SNTG2: variants seen among roughly 807,000 people sequenced by gnomAD.
SNTG2 encodes syntrophin gamma 2, also known as gamma-2-syntrophin.
SNTG2 carries 74 observed loss-of-function variants against 70.9 expected under a neutral mutation model. The observed-to-expected ratio is 1.04, with a 90% CI of 0.86 to 1.27. SNTG2 has a LOEUF of 1.27. Ranked by LOEUF, SNTG2 falls within the 50% of genes most tolerant of loss-of-function variation. The pLI is 0.00. For missense variants in SNTG2, 717 were observed against 690.7 expected (o/e 1.04, Z -0.43); for synonymous variants, 278 against 273.8 (o/e 1.02, Z -0.15).
At chr2:965,092 TCCAGTTCTCCTCCTTGGACC>T (rs1190734513) in intron 1 of SNTG2, among the ~76,000 whole-genome samples, 9 of 149,638 alleles carry the variant, frequency 6.0e-5, no homozygotes, top group South Asian at 2.1e-4. Flanking sequence ...TCCTCTGGAC[TCCAGTTCTCCTCCTTGGACC>T]CCAGTCCTCC....
chr2:1,358,986 A>T (rs1182592551), intron 16 of SNTG2, among the ~76,000 whole-genome samples: 2 of 152,056 alleles, frequency 1.3e-5, no homozygotes, highest in Non-Finnish European at 2.9e-5. Context: ...CAGTTTTGTC[A>T]ATGTTTGTTT....
intron 16 of SNTG2, chr2:1,341,515 G>A (rs556627147): frequency 6.6e-5 from 10 of 152,406 alleles, no homozygotes; most frequent in South Asian, 4.1e-4. Flanking sequence ...GGTAACCTCC[G>A]GGAGCTGCCC....
intron 12 of SNTG2, among the ~76,000 whole-genome samples, chr2:1,257,548 G>A (rs2148160682): frequency 6.6e-6 from 1 of 152,332 alleles, no homozygotes; most frequent in East Asian, 1.9e-4. Flanking sequence ...ACCTGCTTCT[G>A]CGAACAACAA....
chr2:958,732 GA>G, intron 1 of SNTG2, among the ~76,000 whole-genome samples: 1 of 151,872 alleles, frequency 6.6e-6, no homozygotes, highest in East Asian at 1.9e-4. Context: ...AGAGAGATAT[GA>G]AAAAAATTGT....
chr2:1,362,306 G>A (rs67781919), intron 16 of SNTG2, among the ~76,000 whole-genome samples: 104,884 of 146,136 alleles, frequency 0.72, 37,902 homozygotes, highest in East Asian at 0.94. Flanking sequence ...GAAGGTCACC[G>A]ACACTGAGCA....
intron 16 of SNTG2, among the ~76,000 whole-genome samples, chr2:1,328,804 CACAT>C (rs1681862801): frequency 6.6e-6 from 1 of 152,114 alleles, no homozygotes. Context: ...TCCACACACA[CACAT>C]ACACACACAT....
chr2:1,324,395 A>G (rs767907129), intron 16 of SNTG2, among the ~76,000 whole-genome samples: 5 of 152,204 alleles, frequency 3.3e-5, no homozygotes, highest in African/African-American at 4.8e-5. Context: ...GATAATTTGA[A>G]GAGTAGAAAT....
At chr2:1,362,277 A>C (rs1007768960) in intron 16 of SNTG2, among the ~76,000 whole-genome samples, 1 of 151,614 alleles carries the variant, frequency 6.6e-6, no homozygotes, top group Non-Finnish European at 1.5e-5. Flanking sequence ...GACGCTAAGC[A>C]TTTCAATAGA....
chr2:1,156,724 G>A (rs1382574806), intron 6 of SNTG2, among the ~76,000 whole-genome samples: 3 of 152,226 alleles, frequency 2.0e-5, no homozygotes, highest in Admixed American at 6.5e-5. Context: ...GTGAGGTCCC[G>A]GCTGGAGACA....
Position 1,163,200 on chromosome 2 carries a change from C to T in SNTG2, c.412-2348C>T, listed in dbSNP as rs113069501. On this transcript the variant is annotated intron_variant, in intron 6 of 16. Transcript: ENST00000308624. ...GAAGTGGACGTGGGAAGCCTCCCAA[C>T]AGGAAGTGAGTGTGTGAAGCATACC... is the stretch of plus-strand genomic sequence containing the variant. 6.0e-5 allele frequency: 9 copies of T among 150,350 alleles called. 1 individual carries two copies. In the East Asian group the frequency reaches 8.1e-4, roughly 13 times the overall value. 9.3% of individuals were successfully genotyped at this position (150,350 alleles called of 1,614,324 possible).
chr2:1,071,725 G>A (rs1663572897), intron 1 of SNTG2, among the ~76,000 whole-genome samples: 1 of 152,002 alleles, frequency 6.6e-6, no homozygotes, highest in African/African-American at 2.4e-5. Context: ...AGAGAGCTAG[G>A]CCTCTTGCAA....
chr2:1,067,551 T>A (rs80103361), intron 1 of SNTG2, among the ~76,000 whole-genome samples: 5,282 of 152,322 alleles, frequency 0.035, 190 homozygotes, highest in South Asian at 0.15. Flanking sequence ...AGCCTCTTTT[T>A]TAACCTCCTT....
At chr2:1,098,314 A>T (rs373668492) in intron 3 of SNTG2, 39 bp from the exon 4 acceptor site, 1 of 1,613,686 alleles carries the variant, frequency 6.2e-7, no homozygotes, top group African/African-American at 1.3e-5. Context: ...AGTGTGAATC[A>T]TGATAACCAC....
At chr2:1,065,880 G>A (rs967832546) in intron 1 of SNTG2, among the ~76,000 whole-genome samples, 5 of 152,160 alleles carry the variant, frequency 3.3e-5, no homozygotes, top group African/African-American at 7.2e-5. Context: ...ACTCACCTTC[G>A]TTTGGCTTTG....
chr2:1,078,269 G>A (rs889861265), intron 1 of SNTG2, among the ~76,000 whole-genome samples: 3 of 152,224 alleles, frequency 2.0e-5, no homozygotes, highest in Non-Finnish European at 4.4e-5. Context: ...ATGCTCTGTT[G>A]TCAAGCGGCA....
chr2:1,185,603 A>G (rs920956756), intron 8 of SNTG2, among the ~76,000 whole-genome samples: 1 of 152,198 alleles, frequency 6.6e-6, no homozygotes, highest in African/African-American at 2.4e-5. Flanking sequence ...ACCAAGGATT[A>G]CAACTTGCAC....
intron 9 of SNTG2, among the ~76,000 whole-genome samples, chr2:1,229,695 G>T (rs898261365): frequency 8.5e-5 from 13 of 152,344 alleles, no homozygotes; most frequent in Admixed American, 3.3e-4. Flanking sequence ...GCCAATGGAG[G>T]GGGTGGGAGG....
chr2:1,033,846 A>G (rs1660979184), intron 1 of SNTG2, among the ~76,000 whole-genome samples: 1 of 152,224 alleles, frequency 6.6e-6, no homozygotes, highest in African/African-American at 2.4e-5. Flanking sequence ...GCTCCCTGCA[A>G]TAACACATGA....
At chr2:1,366,461 A>G (rs899482050) in intron 16 of SNTG2, among the ~76,000 whole-genome samples, 4 of 152,162 alleles carry the variant, frequency 2.6e-5, no homozygotes, top group African/African-American at 9.7e-5. Flanking sequence ...TGGAGAGAAG[A>G]TGAACCTTTT....
Sources: gnomAD v4.1 joint callset for allele counts (sites outside exome capture counted in the v4.1 genomes callset) on GRCh38, gnomAD v4.1.1 for gene constraint, MANE v1.5 for transcripts, NCBI Gene and HGNC (gene_info 2026-07-23, HGNC 2026-07-21) for gene names.